The following GNAQ variants were observed in gnomAD, a reference collection of about 807,000 sequenced individuals.
GNAQ encodes the protein guanine nucleotide-binding protein G(q) subunit alpha.
In GNAQ, 8 loss-of-function variants were observed where a neutral mutation model predicts 43.9. That is an observed-to-expected ratio of 0.18 (90% CI 0.11 to 0.33). The LOEUF (loss-of-function observed/expected upper bound fraction) is 0.33, where lower values mean the gene tolerates loss of function less well. GNAQ is among the 10% of genes least tolerant of loss of function. The pLI is 1.00. For missense variants in GNAQ, 158 were observed against 450.8 expected (o/e 0.35, Z 5.88); for synonymous variants, 155 against 170.7 (o/e 0.91, Z 0.71).
At chr9:77,822,544 A>T (rs1827133307) in intron 2 of GNAQ, among the ~76,000 whole-genome samples, 1 of 152,108 alleles carries the variant, frequency 6.6e-6, no homozygotes, top group Non-Finnish European at 1.5e-5. Flanking sequence ...TGACAACAGG[A>T]AAAACAGATA....
At chr9:77,906,765 T>A (rs946106108) in intron 2 of GNAQ, among the ~76,000 whole-genome samples, 1 of 152,240 alleles carries the variant, frequency 6.6e-6, no homozygotes, top group Non-Finnish European at 1.5e-5. Flanking sequence ...AAAATGTTAA[T>A]GTATTTGATT....
chr9:78,008,034 G>A (rs1823728178), intron 1 of GNAQ, among the ~76,000 whole-genome samples: 1 of 152,152 alleles, frequency 6.6e-6, no homozygotes, highest in Non-Finnish European at 1.5e-5. Flanking sequence ...AATCATCGAG[G>A]CTAGAAAAGA....
chr9:77,905,873 T>C (rs1027267178), intron 2 of GNAQ, among the ~76,000 whole-genome samples: 5 of 152,076 alleles, frequency 3.3e-5, no homozygotes, highest in Non-Finnish European at 5.9e-5. Context: ...AAGTAGGAGT[T>C]GAACAATGAG....
At chr9:77,761,437 C>T (rs1415538530) in intron 5 of GNAQ, among the ~76,000 whole-genome samples, 3,748 of 114,734 alleles carry the variant, frequency 0.033, no homozygotes, top group Non-Finnish European at 0.044. Flanking sequence ...CCGCCCCTTC[C>T]GGGAGGGAGG....
At chr9:78,006,932 T>C (rs1330370260) in intron 1 of GNAQ, among the ~76,000 whole-genome samples, 3 of 152,196 alleles carry the variant, frequency 2.0e-5, no homozygotes, top group Non-Finnish European at 4.4e-5. Flanking sequence ...ATGTTAGTCC[T>C]CATGAAAATG....
chr9:78,017,172 A>G (rs1441230709), intron 1 of GNAQ, among the ~76,000 whole-genome samples: 3 of 152,230 alleles, frequency 2.0e-5, no homozygotes, highest in Non-Finnish European at 4.4e-5. Context: ...TAGTTCTTCC[A>G]GAGATGGGAG....
At chr9:77,760,650 G>A (rs1210689098) in intron 5 of GNAQ, among the ~76,000 whole-genome samples, 4 of 152,184 alleles carry the variant, frequency 2.6e-5, no homozygotes, top group South Asian at 2.1e-4. Flanking sequence ...AGTGAGGAGC[G>A]TCTCTGCCTG....
intron 1 of GNAQ, among the ~76,000 whole-genome samples, chr9:77,939,929 A>T (rs923615789): frequency 6.6e-6 from 1 of 152,172 alleles, no homozygotes; most frequent in Non-Finnish European, 1.5e-5. Context: ...CCTCACAGTT[A>T]TGTACTCGCT....
intron 1 of GNAQ, among the ~76,000 whole-genome samples, chr9:77,990,382 A>G (rs567102251): frequency 2.8e-4 from 42 of 152,248 alleles, no homozygotes; most frequent in African/African-American, 9.9e-4. Flanking sequence ...ATTATGGCCC[A>G]TTAATTTTTA....
intron 1 of GNAQ, among the ~76,000 whole-genome samples, chr9:77,984,692 A>G (rs2118505046): frequency 6.6e-6 from 1 of 152,298 alleles, no homozygotes; most frequent in Admixed American, 6.5e-5. Flanking sequence ...CTGCAGTTTT[A>G]AGAGAAGTAT....
intron 2 of GNAQ, among the ~76,000 whole-genome samples, chr9:77,897,640 C>G (rs116168387): frequency 0.011 from 1,639 of 152,246 alleles, 21 homozygotes; most frequent in African/African-American, 0.037. Context: ...GGGGGTGTCC[C>G]CTGAGATTCT....
intron 5 of GNAQ, among the ~76,000 whole-genome samples, chr9:77,766,196 AAAATT>A (rs1272102897): frequency 6.6e-6 from 1 of 152,220 alleles, no homozygotes; most frequent in African/African-American, 2.4e-5. Context: ...ATCTAACACA[AAAATT>A]AAATAGTAAA....
rs1283024120 is a variant in GNAQ at position 77,761,915 on chromosome 9, G to C, written c.735+32548C>G. 3.9e-5 allele frequency among the ~76,000 whole-genome samples: 4 copies of C among 101,962 alleles called. No homozygotes were observed. The East Asian group carries it at 1.2e-3, about 31-fold the overall frequency. The allele number at this position is 101,962 out of a possible 152,430, so 66.9% of individuals were successfully genotyped here. Reference sequence around the variant, plus strand: ...GAGGGAGGTGGGGGGTCAGCCCCCCGCCCGGCCAGCCGCCCCGTCCGGGAG... The same window carrying C: ...GAGGGAGGTGGGGGGTCAGCCCCCCCCCCGGCCAGCCGCCCCGTCCGGGAG... On this transcript the variant is annotated intron_variant, in intron 5 of 6. Coordinates refer to ENST00000286548, the MANE Select transcript of GNAQ (RefSeq NM_002072.5).
intron 2 of GNAQ, among the ~76,000 whole-genome samples, chr9:77,918,505 A>G (rs961216604): frequency 6.6e-6 from 1 of 152,148 alleles, no homozygotes; most frequent in Admixed American, 6.5e-5. Context: ...AACCATAGAA[A>G]ACTCTAACCA....
chr9:77,964,600 T>C (rs561343757), intron 1 of GNAQ, among the ~76,000 whole-genome samples: 1 of 152,188 alleles, frequency 6.6e-6, no homozygotes, highest in African/African-American at 2.4e-5. Context: ...CAGACTACAA[T>C]GGAATTAGAG....
chr9:78,012,582 G>C (rs140734648), intron 1 of GNAQ, among the ~76,000 whole-genome samples: 1 of 152,174 alleles, frequency 6.6e-6, no homozygotes, highest in East Asian at 1.9e-4. Flanking sequence ...AAACCTATCT[G>C]AAGGTATAAT....
At chr9:77,859,394 T>C (rs1002961069) in intron 2 of GNAQ, among the ~76,000 whole-genome samples, 1 of 152,260 alleles carries the variant, frequency 6.6e-6, no homozygotes, top group African/African-American at 2.4e-5. Context: ...ATAAATTTAA[T>C]AATTTCATTA....
intron 1 of GNAQ, among the ~76,000 whole-genome samples, chr9:77,947,406 C>G (rs1039579810): frequency 3.3e-5 from 5 of 152,162 alleles, no homozygotes; most frequent in African/African-American, 9.7e-5. Flanking sequence ...CTGCCCTATG[C>G]CAGTGCCATC....
intron 1 of GNAQ, among the ~76,000 whole-genome samples, chr9:77,992,695 G>C (rs562478995): frequency 6.6e-6 from 1 of 152,142 alleles, no homozygotes; most frequent in Non-Finnish European, 1.5e-5. Flanking sequence ...TGTAATCCTA[G>C]CACTTTGGGA....
Sources: gnomAD v4.1 joint callset for allele counts (sites outside exome capture counted in the v4.1 genomes callset) on GRCh38, gnomAD v4.1.1 for gene constraint, MANE v1.5 for transcripts, NCBI Gene and HGNC (gene_info 2026-07-23, HGNC 2026-07-21) for gene names.